TMCO1: variants seen among roughly 807,000 people sequenced by gnomAD.
TMCO1 encodes calcium load-activated calcium channel.
TMCO1 carries 29 observed loss-of-function variants against 29.3 expected under a neutral mutation model. The observed-to-expected ratio is 0.99, with a 90% CI of 0.74 to 1.35. The LOEUF (loss-of-function observed/expected upper bound fraction) is 1.35, where lower values mean the gene tolerates loss of function less well. TMCO1 is among the 40% of genes most tolerant of loss of function. The probability of loss-of-function intolerance (pLI) is 0.00; values close to 1 mark genes in which losing one functional copy is unlikely to be tolerated. For missense variants in TMCO1, 173 were observed against 225.5 expected, an observed-to-expected ratio of 0.77 and a Z score of 1.49; for synonymous variants, 80 against 77.1, an observed-to-expected ratio of 1.04 and a Z score of -0.20.
At chr1:165,759,782 C>T (rs73014642) in intron 2 of TMCO1, among the ~76,000 whole-genome samples, 198 bp from the exon 3 acceptor site, 2,046 of 152,202 alleles carry the variant, frequency 0.013, 53 homozygotes, top group African/African-American at 0.047. Flanking sequence ...AAGAATGAAA[C>T]AACAATTATA....
chr1:165,730,304 T>G (rs1057041191), intron 6 of TMCO1, among the ~76,000 whole-genome samples: 1 of 151,502 alleles, frequency 6.6e-6, no homozygotes, highest in East Asian at 2.0e-4. Flanking sequence ...GCCACTGCAC[T>G]CCAGCCTGGG....
At chr1:165,747,884 C>T (rs188009472) in intron 5 of TMCO1, among the ~76,000 whole-genome samples, 1 of 152,112 alleles carries the variant, frequency 6.6e-6, no homozygotes, top group Non-Finnish European at 1.5e-5. Flanking sequence ...GAAGGCAGGG[C>T]GTGGTGGCTC....
chr1:165,751,982 ACTTTT>A (rs1652008181), intron 5 of TMCO1, 115 bp downstream of exon 5: 1 of 811,574 alleles, frequency 1.2e-6, no homozygotes, highest in African/African-American at 1.7e-5. Flanking sequence ...TATTCTTGCA[ACTTTT>A]CTTTAAGTTT....
At chr1:165,737,982 G>A (rs866420491) in intron 6 of TMCO1, among the ~76,000 whole-genome samples, 17 of 152,190 alleles carry the variant, frequency 1.1e-4, no homozygotes, top group Admixed American at 3.3e-4. Flanking sequence ...CATTACAAAC[G>A]TTCATGCCTC....
At chr1:165,724,578 C>A, downstream of TMCO1, 1 of 454,034 alleles carries the variant, frequency 2.2e-6, no homozygotes, top group South Asian at 1.6e-5. Context: ...TACAGATCAC[C>A]AGCTCTGGGG....
At chr1:165,748,519 T>C (rs1215880795) in intron 5 of TMCO1, among the ~76,000 whole-genome samples, 2 of 152,086 alleles carry the variant, frequency 1.3e-5, no homozygotes, top group Non-Finnish European at 2.9e-5. Context: ...TCAGATTTAA[T>C]CCAGTACATA....
chr1:165,763,711 C>T (rs528948073), intron 2 of TMCO1, among the ~76,000 whole-genome samples: 13 of 152,308 alleles, frequency 8.5e-5, no homozygotes, highest in South Asian at 2.1e-4. Flanking sequence ...CTGCAAACCC[C>T]GCCTCCTGAG....
chr1:165,747,638 TG>T (rs2101802645), intron 5 of TMCO1, among the ~76,000 whole-genome samples: 1 of 152,326 alleles, frequency 6.6e-6, no homozygotes, highest in East Asian at 1.9e-4. Context: ...AAAAACAGGC[TG>T]GGGCCAAAGC....
intron 6 of TMCO1, among the ~76,000 whole-genome samples, chr1:165,730,007 T>C (rs1234578051): frequency 6.6e-6 from 1 of 151,768 alleles, no homozygotes; most frequent in Non-Finnish European, 1.5e-5. Context: ...TGAAGAATGA[T>C]GACTACTATG....
chr1:165,725,155 TA>T (rs1558024560), downstream of TMCO1: 1 of 435,964 alleles, frequency 2.3e-6, no homozygotes, highest in South Asian at 1.7e-5. Context: ...AGAATTAATC[TA>T]AAAAAAGAGA....
Position 165,750,708 on chromosome 1 carries a change from T to G in TMCO1, c.323+1394A>C, listed in dbSNP as rs544309136. On this transcript the variant is annotated intron_variant, in intron 5 of 6. Transcript: ENST00000367881. ...ATAGCAGGTTACAAAACAACCATTC[T>G]TCTGTATTAAAGTTTATATTCAGCC... is the stretch of plus-strand genomic sequence containing the variant. Among the ~76,000 whole-genome samples, 32 of 152,332 alleles carry G rather than the reference T, an allele frequency of 2.1e-4. No homozygotes were observed. The South Asian group carries it at 6.0e-3, about 29-fold the overall frequency.
chr1:165,755,502 T>C (rs1041183007), intron 3 of TMCO1, among the ~76,000 whole-genome samples: 1 of 151,902 alleles, frequency 6.6e-6, no homozygotes, highest in Non-Finnish European at 1.5e-5. Flanking sequence ...AGAGACCCCA[T>C]CTCTACAAAA....
intron 2 of TMCO1, among the ~76,000 whole-genome samples, 185 bp from the exon 3 acceptor site, chr1:165,759,769 T>A (rs1340280025): frequency 6.6e-6 from 1 of 152,142 alleles, no homozygotes; most frequent in Admixed American, 6.5e-5. Context: ...GATACAATAT[T>A]CTAAGAATGA....
downstream of TMCO1, chr1:165,725,707 A>G (rs1052239723): frequency 1.3e-5 from 6 of 454,042 alleles, no homozygotes; most frequent in African/African-American, 1.2e-4. Flanking sequence ...TAGTCTTGAA[A>G]TTTCTTCAGG....
chr1:165,746,617 A>T (rs781606969), intron 5 of TMCO1, among the ~76,000 whole-genome samples: 39 of 152,196 alleles, frequency 2.6e-4, no homozygotes, highest in Non-Finnish European at 4.1e-4. Context: ...ATTAAGGATA[A>T]CATATCACAT....
At chr1:165,756,241 T>C (rs1426941727) in intron 3 of TMCO1, among the ~76,000 whole-genome samples, 1 of 152,104 alleles carries the variant, frequency 6.6e-6, no homozygotes, top group Non-Finnish European at 1.5e-5. Context: ...CTGGAGCAGA[T>C]ATTCCTAAGG....
At chr1:165,764,049 A>C (rs1652489844) in intron 2 of TMCO1, among the ~76,000 whole-genome samples, 1 of 152,242 alleles carries the variant, frequency 6.6e-6, no homozygotes, top group African/African-American at 2.4e-5. Flanking sequence ...TCTATAAGGC[A>C]AATCCATATT....
At chr1:165,741,035 G>C (rs1651574874) in intron 6 of TMCO1, among the ~76,000 whole-genome samples, 1 of 152,206 alleles carries the variant, frequency 6.6e-6, no homozygotes, top group South Asian at 2.1e-4. Flanking sequence ...AGCTAAGCAA[G>C]AGTACAACTT....
At chr1:165,745,420 T>A (rs2101800596) in intron 5 of TMCO1, among the ~76,000 whole-genome samples, 1 of 145,460 alleles carries the variant, frequency 6.9e-6, no homozygotes, top group East Asian at 2.1e-4. Flanking sequence ...GAGGATCACT[T>A]GAAGCCATGA....
Sources: gnomAD v4.1 joint callset for allele counts (sites outside exome capture counted in the v4.1 genomes callset) on GRCh38, gnomAD v4.1.1 for gene constraint, MANE v1.5 for transcripts, NCBI Gene and HGNC (gene_info 2026-07-23, HGNC 2026-07-21) for gene names.